SYNDIG1L: variants seen among roughly 807,000 people sequenced by gnomAD.
SYNDIG1L encodes synapse differentiation-inducing gene protein 1-like.
In SYNDIG1L, 13 loss-of-function variants were observed where a neutral mutation model predicts 20.1. The observed-to-expected ratio is 0.65, with a 90% CI of 0.42 to 1.03. The LOEUF is 1.03. Ranked by LOEUF, SYNDIG1L falls within the 50% of genes least tolerant of loss-of-function variation. The probability of loss-of-function intolerance (pLI) is 0.00; values close to 1 mark genes in which losing one functional copy is unlikely to be tolerated. For missense variants in SYNDIG1L, 294 were observed against 305.1 expected, an observed-to-expected ratio of 0.96 and a Z score of 0.27; for synonymous variants, 128 against 129.3, an observed-to-expected ratio of 0.99 and a Z score of 0.07.
At chr14:74,448,073 G>T in the SYNDIG1L span, among the ~76,000 whole-genome samples, 69 of 152,206 alleles carry the variant, frequency 4.5e-4, no homozygotes, top group African/African-American at 1.6e-3. Context: ...TAAGTCTAAA[G>T]AAGGCAGAAG....
the SYNDIG1L span, among the ~76,000 whole-genome samples, chr14:74,438,725 G>A: frequency 6.6e-6 from 1 of 152,148 alleles, no homozygotes; most frequent in African/African-American, 2.4e-5. Flanking sequence ...CCTGTAATGG[G>A]GGAAGAATGT....
chr14:74,476,449 C>T, the SYNDIG1L span: 2 of 1,301,482 alleles, frequency 1.5e-6, no homozygotes, highest in Non-Finnish European at 2.1e-6. Flanking sequence ...CCGTCCTTCT[C>T]CAAGCCCCTG....
the SYNDIG1L span, chr14:74,472,474 C>T: frequency 2.7e-4 from 41 of 152,190 alleles, no homozygotes; most frequent in African/African-American, 9.7e-4. Context: ...AGATCTGCTC[C>T]TTGGACTAAT....
the SYNDIG1L span, among the ~76,000 whole-genome samples, chr14:74,446,037 A>T: frequency 6.6e-6 from 1 of 152,228 alleles, no homozygotes; most frequent in Non-Finnish European, 1.5e-5. Flanking sequence ...AAGTCTAGTT[A>T]CATTAAACAA....
upstream of SYNDIG1L, among the ~76,000 whole-genome samples, chr14:74,430,434 C>T (rs941237145): frequency 1.6e-5 from 2 of 125,408 alleles, no homozygotes; most frequent in Admixed American, 8.1e-5. Context: ...CGGAAGAATA[C>T]GCATTCTTTT....
At chr14:74,434,917 T>TCAAAAA in the SYNDIG1L span, among the ~76,000 whole-genome samples, 1 of 130,674 alleles carries the variant, frequency 7.7e-6, no homozygotes. Context: ...CCATCTCTAC[T>TCAAAAA]AAAAAAAAAA....
At chr14:74,462,818 A>T in the SYNDIG1L span, among the ~76,000 whole-genome samples, 2 of 152,128 alleles carry the variant, frequency 1.3e-5, no homozygotes, top group African/African-American at 2.4e-5. Flanking sequence ...CTTAGCCTAA[A>T]TGCATTTTTG....
rs190996791 is a variant in SYNDIG1L at position 74,411,315 on chromosome 14, G to A, written c.-57-1514C>T. Among the ~76,000 whole-genome samples the A allele has an allele frequency of 4.5e-4, 69 of 152,328 alleles. 2 individuals carry two copies. The East Asian group carries it at 0.013, about 28-fold the overall frequency. ...AGAGATGGCTGGGATGAGAATGTGT[G>A]GTAGATTTTGAGAGAGGGGGCTGCT... On this transcript the variant is annotated intron_variant, in intron 1 of 3. Transcript: ENST00000331628.
chr14:74,452,397 G>A, the SYNDIG1L span, among the ~76,000 whole-genome samples: 1 of 152,262 alleles, frequency 6.6e-6, no homozygotes, highest in Non-Finnish European at 1.5e-5. Context: ...TGAATTATTG[G>A]GGGTGAGTCT....
chr14:74,416,653 A>C (rs11159081), intron 1 of SYNDIG1L, among the ~76,000 whole-genome samples: 63,951 of 151,704 alleles, frequency 0.42, 13,797 homozygotes, highest in Non-Finnish European at 0.48. Context: ...AACAAACCAA[A>C]CAAACAAACA....
In SYNDIG1L at chr14:74,409,418, G is replaced by C; in HGVS notation, c.327C>G (p.Gly109=). ...GGATGGTGACATTCTCTGCAGCTTG[G>C]CCAGGTCCTGTGGGCTGCTCTGGAG... ...EGPPEQPTGP[G]QAAENVTIQT... Residue 109 remains glycine, a synonymous_variant, in exon 2 of 4, where the codon GGC becomes GGG. Coordinates refer to ENST00000331628, the MANE Select transcript of SYNDIG1L (RefSeq NM_001105579.2). 6.2e-7 allele frequency: 1 copy of C among 1,613,640 alleles called. No homozygotes were observed. The highest frequency in any genetic ancestry group is 1.3e-5 in the African/African-American group (1 of 75,006).
At chr14:74,427,904 T>G (rs2086278246), upstream of SYNDIG1L, among the ~76,000 whole-genome samples, 1 of 152,244 alleles carries the variant, frequency 6.6e-6, no homozygotes, top group South Asian at 2.1e-4. Flanking sequence ...GGCCTCCCTC[T>G]GCTGCTCCCC....
At chr14:74,423,178 G>C (rs575576977) in intron 1 of SYNDIG1L, among the ~76,000 whole-genome samples, 1 of 152,268 alleles carries the variant, frequency 6.6e-6, no homozygotes, top group Admixed American at 6.5e-5. Context: ...GGGAACACAG[G>C]AAGCAGCCAA....
the SYNDIG1L span, among the ~76,000 whole-genome samples, chr14:74,463,840 C>T: frequency 2.6e-5 from 4 of 152,172 alleles, no homozygotes; most frequent in African/African-American, 9.7e-5. Flanking sequence ...CAGAAATTAG[C>T]TAGAGCAACG....
At chr14:74,414,095 C>T (rs2086155271) in intron 1 of SYNDIG1L, among the ~76,000 whole-genome samples, 3 of 152,310 alleles carry the variant, frequency 2.0e-5, no homozygotes, top group South Asian at 2.1e-4. Context: ...AGTAAGGGAC[C>T]GGCACTCAGA....
the SYNDIG1L span, chr14:74,476,593 C>T: frequency 5.2e-6 from 8 of 1,534,682 alleles, no homozygotes; most frequent in East Asian, 2.0e-4. Context: ...ATGGGAACAT[C>T]TGCAGAAAGT....
the SYNDIG1L span, among the ~76,000 whole-genome samples, chr14:74,437,302 C>A: frequency 6.6e-6 from 1 of 152,174 alleles, no homozygotes; most frequent in South Asian, 2.1e-4. Context: ...CTCACTGTAG[C>A]CCCTCTTTTC....
the SYNDIG1L span, among the ~76,000 whole-genome samples, chr14:74,463,593 C>T: frequency 6.6e-6 from 1 of 152,090 alleles, no homozygotes; most frequent in African/African-American, 2.4e-5. Context: ...GGGGAGAGGC[C>T]TTAAGAAGAA....
At chr14:74,428,911 T>C (rs536945164), upstream of SYNDIG1L, among the ~76,000 whole-genome samples, 16 of 152,232 alleles carry the variant, frequency 1.1e-4, no homozygotes, top group East Asian at 2.9e-3. Flanking sequence ...AGGGTAACAC[T>C]GGGGGCTCCT....
Sources: gnomAD v4.1 joint callset for allele counts (sites outside exome capture counted in the v4.1 genomes callset) on GRCh38, gnomAD v4.1.1 for gene constraint, MANE v1.5 for transcripts, NCBI Gene and HGNC (gene_info 2026-07-23, HGNC 2026-07-21) for gene names.